ISG20L2: variants seen among roughly 807,000 people sequenced by gnomAD.
ISG20L2 encodes the protein interferon-stimulated 20 kDa exonuclease-like 2.
ISG20L2 carries 14 observed loss-of-function variants against 27.8 expected under a neutral mutation model. The ratio of observed to expected loss-of-function variants is 0.50; its 90% confidence interval spans 0.33 to 0.79. ISG20L2 has a LOEUF of 0.79. Ranked by LOEUF, ISG20L2 falls within the 30% of genes least tolerant of loss-of-function variation. ISG20L2 has a pLI of 0.02. For synonymous variants in ISG20L2, 157 were observed against 165.7 expected, an observed-to-expected ratio of 0.95 and a Z score of 0.40; for missense variants, 393 against 435.1, an observed-to-expected ratio of 0.90 and a Z score of 0.86.
In ISG20L2 at chr1:156,727,259, G is replaced by T; in HGVS notation, c.394C>A (p.His132Asn). 6.2e-7 allele frequency: 1 copy of T among 1,614,052 alleles called. No homozygotes were observed. The highest frequency in any genetic ancestry group is 2.2e-5 in the East Asian group (1 of 44,888). The stretch of plus-strand genomic sequence containing the variant: ...CTCTTCTTCTGAGAGCGGGTTGGGT[G>T]GCTATTGATCTTTGGAAGGGCACTC... ...FQSALPKINS[H>N]PTRSQKKSSQ... Residue 132 changes from histidine to asparagine, a missense_variant, in exon 2 of 4, where the codon CAC becomes AAC. Coordinates refer to ENST00000368219, the MANE Select transcript of ISG20L2 (RefSeq NM_001370150.2).
At chr1:156,723,927 T>G in intron 3 of ISG20L2, 1 of 1,315,408 alleles carries the variant, frequency 7.6e-7, no homozygotes, top group Non-Finnish European at 9.9e-7. Flanking sequence ...AGTTAGGGTT[T>G]TATATCTACT....
chr1:156,728,508 T>G lies in ISG20L2; in HGVS notation c.-211A>C, dbSNP rs896029363. ...AAGCCCGGGAAGGCAGGCGCGCGGG[T>G]TAGAACGCGCCAGAGGTCGGCGCGC... is the stretch of plus-strand genomic sequence containing the variant. On this transcript the variant is annotated 5_prime_UTR_variant, in exon 1 of 4. Coordinates refer to ENST00000368219, the MANE Select transcript of ISG20L2 (RefSeq NM_001370150.2). 1.1e-5 allele frequency: 11 copies of G among 985,176 alleles called. No homozygotes were observed. Among genetic ancestry groups the G allele is most frequent in the Middle Eastern group, 5.2e-4 (1 of 1,936 alleles). The allele number at this position is 985,176 out of a possible 1,614,324, so 61.0% of individuals were successfully genotyped here. A position where few individuals can be genotyped will look rare whatever the true frequency, so the allele number is the denominator to read the frequency against.
intron 2 of ISG20L2, chr1:156,726,226 G>GC (rs1648752100): frequency 1.0e-6 from 1 of 985,192 alleles, no homozygotes; most frequent in Non-Finnish European, 1.2e-6. Context: ...TTCCGCACTT[G>GC]CCCCAGGCTA....
At chr1:156,723,783 C>G (rs1648635733) in intron 3 of ISG20L2, 2 of 985,330 alleles carry the variant, frequency 2.0e-6, no homozygotes, top group African/African-American at 1.7e-5. Flanking sequence ...CTTAACTGCT[C>G]TATATGTGAC....
At chr1:156,726,441 G>A in intron 2 of ISG20L2, 1 of 981,648 alleles carries the variant, frequency 1.0e-6, no homozygotes, top group Non-Finnish European at 1.2e-6. Context: ...TTGTTTTTTT[G>A]AGACAGGATC....
chr1:156,726,976 C>T lies in ISG20L2; in HGVS notation c.677G>A (p.Arg226Gln), dbSNP rs977570655. The T allele has an allele frequency of 2.5e-6, 4 of 1,614,160 alleles. No homozygotes were observed. The highest frequency in any genetic ancestry group is 3.4e-6 in the Non-Finnish European group (4 of 1,180,038). Residue 226 changes from arginine (R) to glutamine (Q), a missense_variant, in exon 2 of 4, where the codon CGA becomes CAA. This residue lies in a region of ISG20L2 where 171 missense variants were observed against 195.3 expected (regional missense o/e 0.88). Transcript: ENST00000368219. ...CTTCCGGATACCACTCCACCTGGTT[C>T]GGTAGTCCACAATGTGGCAGGGGGG... ...ILPPCHIVDY[R>Q]TRWSGIRKQH... is the part of the protein sequence containing the mutation.
rs936971359 is a variant in ISG20L2 at position 156,727,904 on chromosome 1, C to G, written c.-117-135G>C. 4.8e-6 allele frequency: 6 copies of G among 1,254,442 alleles called. No homozygotes were observed. The African/African-American group carries it at 7.5e-5, about 16-fold the overall frequency. The allele number at this position is 1,254,442 out of a possible 1,614,324, so 77.7% of individuals were successfully genotyped here. On this transcript the variant is annotated intron_variant, in intron 1 of 3. Transcript: ENST00000368219. ...AGACAGAGGGGAAATGAAAACATAACATGAAATGATGGAGGGAGCATTGGT... is the reference window on the plus strand; with the variant it reads ...AGACAGAGGGGAAATGAAAACATAAGATGAAATGATGGAGGGAGCATTGGT...
chr1:156,724,192 A>G lies in ISG20L2; in HGVS notation c.904T>C (p.Ser302Pro). 2 of 1,608,736 alleles carry G rather than the reference A, an allele frequency of 1.2e-6. No individual in the cohort carries two copies. Among genetic ancestry groups the G allele is most frequent in the Non-Finnish European group, 1.7e-6 (2 of 1,177,268 alleles). ...KADCPENATMSLKHLTKKLLN... is the reference protein window; with the variant it reads ...KADCPENATMPLKHLTKKLLN... ...AGCTTCTTGGTGAGATGCTTCAGAGACATGGTGGCATTCTCCGGGCAGTCA... is the reference window on the plus strand; with the variant it reads ...AGCTTCTTGGTGAGATGCTTCAGAGGCATGGTGGCATTCTCCGGGCAGTCA... The change falls in exon 3 of 4, where the codon TCT becomes CCT. Residue 302 changes from serine (S) to proline (P), a missense_variant. Coordinates refer to ENST00000368219, the MANE Select transcript of ISG20L2 (RefSeq NM_001370150.2).
Position 156,723,206 on chromosome 1 carries a change from G to A in ISG20L2, c.*143C>T, listed in dbSNP as rs1571491697. 7.1e-6 allele frequency: 7 copies of A among 992,198 alleles called. No homozygotes were observed. In the East Asian group the frequency reaches 1.2e-4, roughly 17 times the overall value. 61.5% of individuals were successfully genotyped at this position (992,198 alleles called of 1,614,324 possible). A position where few individuals can be genotyped will look rare whatever the true frequency, so the allele number is the denominator to read the frequency against. ...AACACCTGAGGTGAAATTTCAATGG[G>A]TATTAAGTCTGGGGTAGAGCTTCTC... is the stretch of plus-strand genomic sequence containing the variant. On this transcript the variant is annotated 3_prime_UTR_variant, in exon 4 of 4. Transcript: ENST00000368219.
Position 156,723,035 on chromosome 1 carries a change from G to T in ISG20L2, c.*314C>A, listed in dbSNP as rs1648603046. 3.5e-6 allele frequency: 1 copy of T among 288,066 alleles called. No individual in the cohort carries two copies. The highest frequency in any genetic ancestry group is 6.7e-5 in the East Asian group (1 of 14,956). 17.8% of individuals were successfully genotyped at this position (288,066 alleles called of 1,614,324 possible). A position where few individuals can be genotyped will look rare whatever the true frequency, so the allele number is the denominator to read the frequency against. On this transcript the variant is annotated 3_prime_UTR_variant, in exon 4 of 4. Coordinates refer to ENST00000368219, the MANE Select transcript of ISG20L2 (RefSeq NM_001370150.2). ...GAAACTACATTTCCCAGTATGCCCT[G>T]CCCCTTGAAAGTTAAAAATCTTAAC...
At chr1:156,726,109 T>A (rs1246263120) in intron 2 of ISG20L2, 8 of 985,328 alleles carry the variant, frequency 8.1e-6, no homozygotes, top group Non-Finnish European at 9.6e-6. Context: ...CAACCCGAAG[T>A]GCCGGCCCTG....
Position 156,727,428 on chromosome 1 carries a change from G to C in ISG20L2, c.225C>G (p.Ser75=), listed in dbSNP as rs1648834961. ...AAGCAGCTGTCTTCTTTTTTGGGAA[G>C]GAAGGGGTCTTCCAAGTGCCATCGA... ...PTVDGTWKTP[S]FPKKKTAASS... Residue 75 remains serine (S), a synonymous_variant, in exon 2 of 4, where the codon TCC becomes TCG. Transcript: ENST00000368219. 6.2e-7 allele frequency: 1 copy of C among 1,614,032 alleles called. No individual in the cohort carries two copies. The highest frequency in any genetic ancestry group is 8.5e-7 in the Non-Finnish European group (1 of 1,179,990).
intron 3 of ISG20L2, chr1:156,723,666 A>G: frequency 1.0e-6 from 1 of 985,348 alleles, no homozygotes. Flanking sequence ...GCCACTGTCT[A>G]CCTCAGTCCT....
At position 156,723,131 on chromosome 1, in the gene ISG20L2, G is replaced by T. The variant is rs1221859162; in HGVS notation, c.*218C>A. The T allele has an allele frequency of 1.7e-6, 1 of 585,462 alleles. No individual in the cohort carries two copies. Among genetic ancestry groups the T allele is most frequent in the Non-Finnish European group, 3.0e-6 (1 of 333,178 alleles). The allele number at this position is 585,462 out of a possible 1,614,324, so 36.3% of individuals were successfully genotyped here. ...AGTAAAAGGTATAGGGTTGGGTTCT[G>T]ACGTGAAGGCTTTCCCCTTCCATGG... On this transcript the variant is annotated 3_prime_UTR_variant, in exon 4 of 4. Coordinates refer to ENST00000368219, the MANE Select transcript of ISG20L2 (RefSeq NM_001370150.2).
chr1:156,723,729 C>T, intron 3 of ISG20L2: 1 of 985,346 alleles, frequency 1.0e-6, no homozygotes, highest in Non-Finnish European at 1.2e-6. Flanking sequence ...TAGAACATAC[C>T]AGGTCAAAGA....
chr1:156,726,772 T>C, intron 2 of ISG20L2, 134 bp downstream of exon 2: 1 of 1,468,652 alleles, frequency 6.8e-7, no homozygotes, highest in Non-Finnish European at 9.0e-7. Flanking sequence ...GGGGGCCTTC[T>C]TCAACAACTG....
intron 2 of ISG20L2, chr1:156,725,723 A>G (rs1648723533): frequency 3.7e-6 from 1 of 269,614 alleles, no homozygotes; most frequent in African/African-American, 2.3e-5. Context: ...TATAGCCCTC[A>G]TCAAAGCTGG....
In ISG20L2 at chr1:156,723,385, C is replaced by T; in HGVS notation, c.1026G>A (p.Trp342Ter). 1 of 1,614,184 alleles carries T rather than the reference C, an allele frequency of 6.2e-7. No individual in the cohort carries two copies. Among genetic ancestry groups the T allele is most frequent in the Non-Finnish European group, 8.5e-7 (1 of 1,180,034 alleles). The change falls in exon 4 of 4, where the codon TGG (tryptophan) becomes TGA (stop). Residue 342 changes from tryptophan (W) to a stop codon, truncating the protein, a stop_gained. Transcript: ENST00000368219. LOFTEE classifies it high-confidence loss of function. The part of the protein sequence containing the change: ...MELYKLVEVE[W>*]EEHLARNPPT... ...GGGGATTCCGGGCTAGGTGCTCTTCCCACTCGACTTCAACCAACTTATATA... is the reference window on the plus strand; with the variant it reads ...GGGGATTCCGGGCTAGGTGCTCTTCTCACTCGACTTCAACCAACTTATATA...
intron 1 of ISG20L2, 140 bp from the exon 2 acceptor site, chr1:156,727,909 AATG>A (rs1648878039): frequency 7.3e-6 from 9 of 1,239,396 alleles, no homozygotes; most frequent in Non-Finnish European, 7.1e-6. Flanking sequence ...CATAACATGA[AATG>A]ATGGAGGGAG....
Sources: gnomAD v4.1 joint callset for allele counts on GRCh38, gnomAD v4.1.1 for gene constraint, gnomAD v4.1.1 regional missense constraint, MANE v1.5 for transcripts, NCBI Gene and HGNC (gene_info 2026-07-23, HGNC 2026-07-21) for gene names.